Variants in KIAA0319 observed in about 807,000 individuals in gnomAD.
KIAA0319 encodes the protein dyslexia-associated protein KIAA0319.
A neutral mutation model predicts 108.4 loss-of-function variants in KIAA0319; 83 were observed. The observed-to-expected ratio is 0.77, with a 90% CI of 0.64 to 0.92. The LOEUF is 0.92. KIAA0319 is among the 40% of genes least tolerant of loss of function. KIAA0319 has a pLI of 0.00. For missense variants in KIAA0319, 1,195 were observed against 1,322.4 expected (o/e 0.90, Z 1.49); for synonymous variants, 484 against 510.4 (o/e 0.95, Z 0.70).
At chr6:24,591,540 G>A (rs1389849504) in intron 3 of KIAA0319, among the ~76,000 whole-genome samples, 1 of 152,184 alleles carries the variant, frequency 6.6e-6, no homozygotes, top group African/African-American at 2.4e-5. Context: ...GTTTAAGGAT[G>A]CAGTAAGCCA....
intron 4 of KIAA0319, among the ~76,000 whole-genome samples, chr6:24,584,144 C>T (rs2127492051): frequency 6.6e-6 from 1 of 152,166 alleles, no homozygotes; most frequent in South Asian, 2.1e-4. Context: ...TGATAGTAGC[C>T]TCATGAATTA....
At chr6:24,555,552 T>C (rs555162742) in intron 18 of KIAA0319, among the ~76,000 whole-genome samples, 8 of 151,566 alleles carry the variant, frequency 5.3e-5, no homozygotes, top group East Asian at 1.9e-4. Flanking sequence ...TATAATTTCA[T>C]TGGAATAATG....
At chr6:24,585,680 G>A (rs563267182) in intron 4 of KIAA0319, among the ~76,000 whole-genome samples, 1 of 152,292 alleles carries the variant, frequency 6.6e-6, no homozygotes, top group Non-Finnish European at 1.5e-5. Flanking sequence ...TGCAATATTT[G>A]TCTCTTATAT....
chr6:24,599,102 C>A lies in KIAA0319; in HGVS notation c.55+1947G>T. 2 of 696,522 alleles carry A rather than the reference C, an allele frequency of 2.9e-6. No homozygotes were observed. The allele number at this position is 696,522 out of a possible 1,614,324, so 43.1% of individuals were successfully genotyped here. ...CATCTGTGGTGCTGTCCATGGACAA[C>A]AGCTGGTCCCTGGACATGGACAGCA... On this transcript the variant is annotated intron_variant, in intron 2 of 20. Transcript: ENST00000378214. This position sits in a 1 kb window ranked among gnomAD's most constrained non-coding sequence, Gnocchi z 4.1.
At position 24,570,048 on chromosome 6, in the gene KIAA0319, A is replaced by G; in HGVS notation, c.1859-13T>C. 1 of 1,612,660 alleles carries G rather than the reference A, an allele frequency of 6.2e-7. No homozygotes were observed. Among genetic ancestry groups the G allele is most frequent in the Non-Finnish European group, 8.5e-7 (1 of 1,179,272 alleles). On this transcript the variant is annotated splice_polypyrimidine_tract_variant and intron_variant, in intron 11 of 20. Transcript: ENST00000378214. Reference sequence around the variant, plus strand: ...GGTCTATTGTTTTCTGGAATTACAGAAACAGTGTGAAAAAGTATTATCTCT... The same window carrying G: ...GGTCTATTGTTTTCTGGAATTACAGGAACAGTGTGAAAAAGTATTATCTCT...
At chr6:24,630,708 T>C (rs112179037) in intron 1 of KIAA0319, among the ~76,000 whole-genome samples, 2 of 25,730 alleles carry the variant, frequency 7.8e-5, no homozygotes, top group African/African-American at 5.3e-4. Flanking sequence ...TATATACACA[T>C]ATACACACAA....
chr6:24,553,154 G>A (rs915663736), intron 19 of KIAA0319, among the ~76,000 whole-genome samples: 5 of 151,474 alleles, frequency 3.3e-5, no homozygotes, highest in South Asian at 2.1e-4. Flanking sequence ...AATGATTCAG[G>A]TGGATTCGAT....
intron 10 of KIAA0319, among the ~76,000 whole-genome samples, chr6:24,573,958 T>C (rs779130678): frequency 6.6e-6 from 1 of 151,338 alleles, no homozygotes; most frequent in Non-Finnish European, 1.5e-5. Flanking sequence ...CTACTAAAAA[T>C]ACAAAAATTA....
Position 24,599,702 on chromosome 6 carries a change from C to T in KIAA0319, c.55+1347G>A. 3 of 596,786 alleles carry T rather than the reference C, an allele frequency of 5.0e-6. No individual in the cohort carries two copies. The highest frequency in any genetic ancestry group is 3.1e-6 in the Non-Finnish European group (1 of 324,192). The allele number at this position is 596,786 out of a possible 1,614,324, so 37.0% of individuals were successfully genotyped here. A position where few individuals can be genotyped will look rare whatever the true frequency, so the allele number is the denominator to read the frequency against. The stretch of plus-strand genomic sequence containing the variant: ...GGTGCTCCAGCTCCTTCAGCAGCAC[C>T]AACTCCTTCAGGGCCATGGTTGTGA... On this transcript the variant is annotated intron_variant, in intron 2 of 20. Coordinates refer to ENST00000378214, the MANE Select transcript of KIAA0319 (RefSeq NM_014809.4). The surrounding 1 kb of genome is among the most constrained non-coding windows in gnomAD (Gnocchi z 4.1).
At chr6:24,593,892 G>A (rs1370234846) in intron 3 of KIAA0319, among the ~76,000 whole-genome samples, 1 of 151,392 alleles carries the variant, frequency 6.6e-6, no homozygotes, top group African/African-American at 2.4e-5. Flanking sequence ...AATACTTTCA[G>A]ATTATTTTTA....
intron 1 of KIAA0319, among the ~76,000 whole-genome samples, chr6:24,614,788 G>T (rs1485929314): frequency 6.6e-6 from 1 of 152,038 alleles, no homozygotes; most frequent in Non-Finnish European, 1.5e-5. Flanking sequence ...AATCCAAGCA[G>T]TTAGGTGTAG....
Position 24,627,279 on chromosome 6 carries a change from GA to G in KIAA0319, c.-106+18456del, listed in dbSNP as rs753662059. Reference sequence around the variant, plus strand: ...AAGACATCCTTATGTGTACAGTGCAGAAATGCGCTGGGGATGATGTTACAAT... The same window carrying G: ...AAGACATCCTTATGTGTACAGTGCAGAATGCGCTGGGGATGATGTTACAAT... On this transcript the variant is annotated intron_variant, in intron 1 of 20. Transcript: ENST00000378214. 3.3e-5 allele frequency among the ~76,000 whole-genome samples: 5 copies of G among 152,184 alleles called. No individual in the cohort carries two copies. The East Asian group carries it at 7.7e-4, about 23-fold the overall frequency.
At chr6:24,644,288 C>T (rs1373974361) in intron 1 of KIAA0319, among the ~76,000 whole-genome samples, 1 of 152,142 alleles carries the variant, frequency 6.6e-6, no homozygotes, top group African/African-American at 2.4e-5. Flanking sequence ...TCTGGCTACC[C>T]ATGACCTTGA....
At chr6:24,576,238 G>T in intron 10 of KIAA0319, 130 bp downstream of exon 10, 1 of 741,450 alleles carries the variant, frequency 1.3e-6, no homozygotes. Context: ...TTTTCTAATA[G>T]TTGTAATAGA....
At chr6:24,631,515 T>A (rs1775577737) in intron 1 of KIAA0319, among the ~76,000 whole-genome samples, 1 of 152,240 alleles carries the variant, frequency 6.6e-6, no homozygotes. Flanking sequence ...TCCACAGTCT[T>A]AGATTAATGC....
At chr6:24,548,866 CCA>C (rs746325395) in intron 20 of KIAA0319, among the ~76,000 whole-genome samples, 27 of 152,180 alleles carry the variant, frequency 1.8e-4, no homozygotes, top group Non-Finnish European at 3.1e-4. Context: ...ATTAATAAAA[CCA>C]CAGTGTGCAG....
chr6:24,561,188 T>C (rs1357425925), intron 16 of KIAA0319, among the ~76,000 whole-genome samples: 1 of 152,234 alleles, frequency 6.6e-6, no homozygotes, highest in African/African-American at 2.4e-5. Context: ...ACAAGGGATA[T>C]TGGTCTGTAG....
chr6:24,618,188 G>T (rs937688557), intron 1 of KIAA0319, among the ~76,000 whole-genome samples: 1 of 152,054 alleles, frequency 6.6e-6, no homozygotes, highest in African/African-American at 2.4e-5. Context: ...AACCCCAGGG[G>T]GAGAAATTAA....
chr6:24,540,226 T>TTA (rs113456148), downstream of KIAA0319, among the ~76,000 whole-genome samples: 1 of 151,874 alleles, frequency 6.6e-6, no homozygotes, highest in Non-Finnish European at 1.5e-5. Context: ...AGTCACTTAT[T>TTA]ATATACTGTA....
Sources: allele counts gnomAD v4.1 joint callset (sites outside exome capture counted in the v4.1 genomes callset), GRCh38; gene constraint gnomAD v4.1.1; non-coding constraint Gnocchi (gnomAD v3.1); transcripts MANE v1.5; gene names NCBI Gene and HGNC (gene_info 2026-07-23, HGNC 2026-07-21).